The following CUX1 variants were observed in gnomAD, a reference collection of about 807,000 sequenced individuals.
The protein encoded by CUX1 is cut like homeobox 1.
Under a neutral mutation model 158.8 loss-of-function variants are expected in CUX1, and 31 were observed. The ratio of observed to expected loss-of-function variants is 0.20; its 90% CI spans 0.15 to 0.26. The LOEUF (loss-of-function observed/expected upper bound fraction) is 0.26. Among genes scored for constraint, CUX1 ranks in the 10% least tolerant of loss-of-function variants. The probability of loss-of-function intolerance (pLI) is 1.00; values close to 1 mark genes in which losing one functional copy is unlikely to be tolerated. For missense variants in CUX1, 1,589 were observed against 2,014.6 expected, an observed-to-expected ratio of 0.79 and a Z score of 4.04; for synonymous variants, 879 against 862.1, an observed-to-expected ratio of 1.02 and a Z score of -0.34.
rs782356744 is a variant in CUX1, at chr7:102,202,061, C to T, written c.2764C>T (p.Pro922Ser). Reference protein sequence around the residue: ...PSSPIVPMSKPTKPSVPPLTP... With the variant: ...PSSPIVPMSKSTKPSVPPLTP... ...CTCCCCGATCGTGCCCATGTCCAAG[C>T]CCACCAAGCCCTCGGTCCCCCCGCT... Residue 922 changes from proline (P) to serine (S), a missense_variant, in exon 18 of 24, where the codon CCC (proline) becomes TCC (serine). Physicochemically the swap from Pro to Ser is moderately conservative, Grantham distance 74. Transcript: ENST00000292535. The T allele has an allele frequency of 6.2e-7, 1 of 1,614,172 alleles. No individual in the cohort carries two copies. The highest frequency in any genetic ancestry group is 8.5e-7 in the Non-Finnish European group (1 of 1,180,018).
rs3988167 is a variant in CUX1, at chr7:101,999,217, C to CTT, written c.142-28859_142-28858dup. On this transcript the variant is annotated intron_variant, in intron 2 of 23. Transcript: ENST00000292535. ...CTTTCCTTTACAAACTTTTTTTTAC[C>CTT]TTTTTTTTTTTTTTTTTTTTTTTAA... 9.1e-3 allele frequency among the ~76,000 whole-genome samples: 779 copies of CTT among 85,784 alleles called. 44 individuals are homozygous for CTT. Among genetic ancestry groups the CTT allele is most frequent in the African/African-American group, 0.027 (589 of 21,700 alleles). The allele number at this position is 85,784 out of a possible 152,430, so 56.3% of individuals were successfully genotyped here. A position where few individuals can be genotyped will look rare whatever the true frequency, so the allele number is the denominator to read the frequency against.
intron 2 of CUX1, among the ~76,000 whole-genome samples, chr7:101,950,582 G>A (rs928633200): frequency 1.3e-5 from 2 of 152,116 alleles, no homozygotes; most frequent in African/African-American, 4.8e-5. Flanking sequence ...CATAAATAAA[G>A]TTTTATTGGC....
At chr7:101,860,002 C>CCCTT (rs1389162637) in intron 1 of CUX1, among the ~76,000 whole-genome samples, 1 of 140,768 alleles carries the variant, frequency 7.1e-6, no homozygotes, top group Non-Finnish European at 1.6e-5. Flanking sequence ...CTACCTTCCT[C>CCCTT]CCTTCCTTCC....
intron 1 of CUX1, among the ~76,000 whole-genome samples, chr7:101,826,287 C>T (rs907137400): frequency 6.6e-6 from 1 of 152,028 alleles, no homozygotes; most frequent in Non-Finnish European, 1.5e-5. Flanking sequence ...AAGCCTTGAC[C>T]TCCCGGGCTC....
Position 102,253,865 on chromosome 7 carries a change from G to A in CUX1, c.*4823G>A, listed in dbSNP as rs1801787739. On this transcript the variant is annotated 3_prime_UTR_variant, in exon 24 of 24. Coordinates refer to ENST00000292535, the MANE Select transcript of CUX1 (RefSeq NM_181552.4). ...AGGCTGGAGGTTTGGCTCCTGTGCTGCCGGTGGGGGGCCCTGTCCCTCCCC... is the reference window on the plus strand; with the variant it reads ...AGGCTGGAGGTTTGGCTCCTGTGCTACCGGTGGGGGGCCCTGTCCCTCCCC... 3.0e-6 allele frequency: 3 copies of A among 985,830 alleles called. No individual in the cohort carries two copies. In the South Asian group the frequency reaches 1.4e-4, roughly 46 times the overall value. 61.1% of individuals were successfully genotyped at this position (985,830 alleles called of 1,614,324 possible). A position where few individuals can be genotyped will look rare whatever the true frequency, so the allele number is the denominator to read the frequency against.
At position 102,123,842 on chromosome 7, in the gene CUX1, T is replaced by C. The variant is rs184569552; in HGVS notation, c.674+8569T>C. ...CACACCTGGCTAATTTTTGTATTTT[T>C]AGTAGAGATGGGGGTTTCACCATGT... On this transcript the variant is annotated intron_variant, in intron 8 of 23. Coordinates refer to ENST00000292535, the MANE Select transcript of CUX1 (RefSeq NM_181552.4). Among the ~76,000 whole-genome samples the C allele has an allele frequency of 4.1e-3, 621 of 152,030 alleles. 2 individuals carry two copies. The highest frequency in any genetic ancestry group is 6.7e-3 in the Non-Finnish European group (455 of 67,980).
At chr7:102,141,840 C>T (rs903065626) in intron 8 of CUX1, among the ~76,000 whole-genome samples, 3 of 143,972 alleles carry the variant, frequency 2.1e-5, no homozygotes, top group Non-Finnish European at 3.0e-5. Flanking sequence ...GGGGTTTCTC[C>T]ATGTTGGTCA....
At chr7:102,181,530 A>T (rs1459776784) in intron 11 of CUX1, among the ~76,000 whole-genome samples, 2 of 152,218 alleles carry the variant, frequency 1.3e-5, no homozygotes, top group African/African-American at 4.8e-5. Context: ...TTCACAAAAA[A>T]ATGAAACGCG....
At chr7:102,082,090 G>T (rs948549164) in intron 4 of CUX1, among the ~76,000 whole-genome samples, 4 of 146,958 alleles carry the variant, frequency 2.7e-5, no homozygotes, top group Non-Finnish European at 6.1e-5. Flanking sequence ...TTACCCTTCA[G>T]CCACTGTCAC....
At position 102,009,411 on chromosome 7, in the gene CUX1, C is replaced by T. The variant is rs542925625; in HGVS notation, c.142-18687C>T. Among the ~76,000 whole-genome samples the T allele has an allele frequency of 4.9e-4, 74 of 152,294 alleles. 1 individual carries two copies. The highest frequency in any genetic ancestry group is 2.6e-3 in the Admixed American group (39 of 15,290). On this transcript the variant is annotated intron_variant, in intron 2 of 23. Transcript: ENST00000292535. The stretch of plus-strand genomic sequence containing the variant: ...AGAAAGGCTGCGTGGGGCTGCAGAG[C>T]GGCTCATTTCTAAGAAGGCCAAAGA...
intron 20 of CUX1, among the ~76,000 whole-genome samples, chr7:102,224,289 C>A (rs1554527939): frequency 6.6e-6 from 1 of 152,120 alleles, no homozygotes; most frequent in Non-Finnish European, 1.5e-5. Flanking sequence ...TCACTGCAAC[C>A]TCCGCCTCCC....
At chr7:101,965,374 C>T (rs961720246) in intron 2 of CUX1, among the ~76,000 whole-genome samples, 1 of 152,100 alleles carries the variant, frequency 6.6e-6, no homozygotes, top group African/African-American at 2.4e-5. Flanking sequence ...GTCGAGCTGG[C>T]CTTTGTGCCC....
intron 13 of CUX1, chr7:102,194,115 C>G: frequency 3.4e-6 from 2 of 582,188 alleles, no homozygotes; most frequent in Non-Finnish European, 6.1e-6. Flanking sequence ...GATCAAAAGC[C>G]AAGCTGGGGA....
intron 8 of CUX1, among the ~76,000 whole-genome samples, chr7:102,132,488 C>A (rs1585834276): frequency 6.6e-6 from 1 of 151,738 alleles, no homozygotes; most frequent in Non-Finnish European, 1.5e-5. Context: ...CTATAGTCAG[C>A]CCCCTTCTGC....
intron 1 of CUX1, among the ~76,000 whole-genome samples, chr7:101,828,385 A>G (rs1341303220): frequency 6.6e-6 from 1 of 152,198 alleles, no homozygotes; most frequent in Non-Finnish European, 1.5e-5. Context: ...CCTGTGGCAC[A>G]TAGAACACAA....
intron 1 of CUX1, among the ~76,000 whole-genome samples, chr7:101,865,765 C>T (rs1236896029): frequency 2.6e-5 from 4 of 152,166 alleles, no homozygotes; most frequent in Non-Finnish European, 4.4e-5. Context: ...ATTAAGCTAA[C>T]GTTTTATGGT....
chr7:102,111,918 C>G, intron 7 of CUX1, 144 bp downstream of exon 7: 3 of 635,094 alleles, frequency 4.7e-6, no homozygotes, highest in Non-Finnish European at 8.4e-6. Context: ...CTGAAGAATT[C>G]CGCAGCACGC....
chr7:102,054,311 ATTTAT>A (rs772518558), intron 3 of CUX1, among the ~76,000 whole-genome samples: 13 of 152,018 alleles, frequency 8.6e-5, no homozygotes, highest in Non-Finnish European at 1.6e-4. Flanking sequence ...TTGGTCTTTG[ATTTAT>A]TTTGAGTTAA....
At chr7:102,165,413 C>T (rs538073568) in intron 9 of CUX1, among the ~76,000 whole-genome samples, 5 of 138,052 alleles carry the variant, frequency 3.6e-5, no homozygotes, top group African/African-American at 5.5e-5. Flanking sequence ...AGTTCAGTGG[C>T]GTGATCTTGA....
Sources: gnomAD v4.1 joint callset for allele counts (sites outside exome capture counted in the v4.1 genomes callset) on GRCh38, gnomAD v4.1.1 for gene constraint, MANE v1.5 for transcripts, NCBI Gene and HGNC (gene_info 2026-07-23, HGNC 2026-07-21) for gene names.